Variants in SHTN1 observed in about 807,000 individuals in gnomAD.
SHTN1 encodes shootin-1.
In SHTN1, 42 loss-of-function variants were observed where a neutral mutation model predicts 83.1. The observed-to-expected ratio is 0.51, with a 90% CI of 0.39 to 0.65. SHTN1 has a LOEUF of 0.65. Ranked by LOEUF, SHTN1 falls within the 30% of genes least tolerant of loss-of-function variation. The probability of loss-of-function intolerance (pLI) is 0.00; values close to 1 mark genes in which losing one functional copy is unlikely to be tolerated. For synonymous variants in SHTN1, 224 were observed against 247.7 expected (o/e 0.90, Z 0.90); for missense variants, 622 against 737.8 (o/e 0.84, Z 1.82).
intron 1 of SHTN1, among the ~76,000 whole-genome samples, chr10:117,073,631 T>C (rs539725854): frequency 2.0e-5 from 3 of 152,340 alleles, no homozygotes; most frequent in African/African-American, 7.2e-5. Flanking sequence ...CATCAAAGTA[T>C]GGGTGATGCC....
rs1308578887 is a variant in SHTN1 at position 117,042,529 on chromosome 10, A to G, written c.-123+5916T>C. On this transcript the variant is annotated intron_variant, in intron 2 of 17. Transcript: ENST00000392901. ...AAAGATAAATACCTCCCTTTTTGTCATGAAAAGCATCCAATCTAGTGAAAA... is the reference window on the plus strand; with the variant it reads ...AAAGATAAATACCTCCCTTTTTGTCGTGAAAAGCATCCAATCTAGTGAAAA... 2.8e-4 allele frequency among the ~76,000 whole-genome samples: 43 copies of G among 152,200 alleles called. 2 individuals carry two copies. The highest frequency in any genetic ancestry group is 2.3e-3 in the Admixed American group (35 of 15,288).
At chr10:117,037,639 C>T (rs575541032) in intron 2 of SHTN1, among the ~76,000 whole-genome samples, 138 of 152,236 alleles carry the variant, frequency 9.1e-4, no homozygotes, top group Non-Finnish European at 1.6e-3. Flanking sequence ...ACTGACACTA[C>T]CCAGCTTTAA....
At chr10:116,914,935 A>G (rs1377705397) in intron 13 of SHTN1, among the ~76,000 whole-genome samples, 2 of 152,158 alleles carry the variant, frequency 1.3e-5, no homozygotes, top group Non-Finnish European at 2.9e-5. Flanking sequence ...TGCTGTTGTT[A>G]TTATGTGATT....
intron 16 of SHTN1, among the ~76,000 whole-genome samples, chr10:116,897,866 C>T (rs1166406232): frequency 6.6e-6 from 1 of 152,092 alleles, no homozygotes; most frequent in Non-Finnish European, 1.5e-5. Flanking sequence ...GGACAGGCAC[C>T]GGCTTAGAAA....
rs540582903 is a variant in SHTN1, at chr10:116,886,276, A to C, written c.*68T>G. 1 of 1,546,914 alleles carries C rather than the reference A, an allele frequency of 6.5e-7. No homozygotes were observed. Among genetic ancestry groups the C allele is most frequent in the Admixed American group, 2.0e-5 (1 of 50,768 alleles). On this transcript the variant is annotated 3_prime_UTR_variant, in exon 17 of 17. Coordinates refer to ENST00000355371, the MANE Select transcript of SHTN1 (RefSeq NM_001127211.3). The stretch of plus-strand genomic sequence containing the variant: ...AGCAGAATGTCTACAGCCCTTGCCA[A>C]TATAACAACACTAATCATGTGCTTA...
At chr10:117,108,417 T>G (rs944813556) in intron 1 of SHTN1, among the ~76,000 whole-genome samples, 1 of 151,910 alleles carries the variant, frequency 6.6e-6, no homozygotes, top group Non-Finnish European at 1.5e-5. Context: ...GGGACATGGA[T>G]GAAGCTGGAA....
At chr10:117,056,708 G>C (rs1459696960) in intron 1 of SHTN1, among the ~76,000 whole-genome samples, 2 of 152,170 alleles carry the variant, frequency 1.3e-5, no homozygotes, top group African/African-American at 4.8e-5. Flanking sequence ...CTACTCATGA[G>C]GCTGAGGCAG....
At chr10:117,093,696 G>A (rs539416430) in intron 1 of SHTN1, among the ~76,000 whole-genome samples, 91 of 152,204 alleles carry the variant, frequency 6.0e-4, no homozygotes, top group African/African-American at 2.2e-3. Context: ...AACAACTTAC[G>A]GAACAACTAG....
intron 1 of SHTN1, among the ~76,000 whole-genome samples, chr10:116,979,597 T>G (rs1243277706): frequency 6.6e-6 from 1 of 152,234 alleles, no homozygotes; most frequent in Non-Finnish European, 1.5e-5. Context: ...GCTCCTGCTT[T>G]TAACAGTAAG....
intron 3 of SHTN1, among the ~76,000 whole-genome samples, chr10:116,963,397 G>A (rs1381938652): frequency 1.3e-5 from 2 of 151,838 alleles, no homozygotes; most frequent in Non-Finnish European, 2.9e-5. Context: ...TAAACGTTTA[G>A]CTATTCATGT....
intron 1 of SHTN1, among the ~76,000 whole-genome samples, chr10:117,120,180 T>C (rs1853903058): frequency 1.3e-5 from 2 of 151,888 alleles, no homozygotes; most frequent in Admixed American, 1.3e-4. Context: ...GAAAAGAGTA[T>C]AATTAGATTA....
chr10:116,922,882 C>T (rs1181721920), intron 11 of SHTN1, among the ~76,000 whole-genome samples: 1 of 151,938 alleles, frequency 6.6e-6, no homozygotes, highest in African/African-American at 2.4e-5. Flanking sequence ...AGGAGAATCG[C>T]TTGAACCTGG....
intron 4 of SHTN1, among the ~76,000 whole-genome samples, chr10:116,957,170 G>A (rs1444567136): frequency 6.6e-6 from 1 of 151,490 alleles, no homozygotes. Context: ...TAATTTCATT[G>A]TAGCTATTCA....
chr10:116,960,280 A>C, intron 3 of SHTN1, 50 bp from the exon 4 acceptor site: 1 of 1,010,354 alleles, frequency 9.9e-7, no homozygotes, highest in South Asian at 1.3e-5. Flanking sequence ...TTAGTCAGCT[A>C]TTCCAGGAGC....
At chr10:117,023,043 T>C (rs78778967) in intron 2 of SHTN1, among the ~76,000 whole-genome samples, 2,339 of 152,334 alleles carry the variant, frequency 0.015, 18 homozygotes, top group Middle Eastern at 0.041. Context: ...CTGCTTAATT[T>C]GACTTAAGAA....
chr10:116,953,613 TTTGTG>T lies in SHTN1; in HGVS notation c.436+424_436+428del, dbSNP rs1314135445. On this transcript the variant is annotated intron_variant, in intron 5 of 16. Coordinates refer to ENST00000355371, the MANE Select transcript of SHTN1 (RefSeq NM_001127211.3). ...GATAGGGTAGGACCCAGGCATCAGTTTTGTGTTTTGTTTTTTTTTTTTTTTTTTTT... is the reference window on the plus strand; with the variant it reads ...GATAGGGTAGGACCCAGGCATCAGTTTTTTGTTTTTTTTTTTTTTTTTTTT... 7.7e-4 allele frequency among the ~76,000 whole-genome samples: 107 copies of T among 139,036 alleles called. 2 individuals carry two copies. In the South Asian group the frequency reaches 0.026, roughly 34 times the overall value. 91.2% of individuals were successfully genotyped at this position (139,036 alleles called of 152,430 possible).
chr10:117,126,117 G>C (rs1303278845), intron 1 of SHTN1, among the ~76,000 whole-genome samples: 1 of 152,172 alleles, frequency 6.6e-6, no homozygotes, highest in African/African-American at 2.4e-5. Flanking sequence ...CCTTTCAGGG[G>C]GCGCTGCCGC....
rs547009155 is a variant in SHTN1 at position 117,082,936 on chromosome 10, C to T, written c.-188-34426G>A. Among the ~76,000 whole-genome samples the T allele has an allele frequency of 1.0e-3, 152 of 151,074 alleles. 1 individual carries two copies. The highest frequency in any genetic ancestry group is 2.7e-3 in the African/African-American group (111 of 41,424). ...ATTTTGAGCCTATGTGTGCTCTGCA[C>T]GTGAGATGGGTTTCCTGAATACAGC... On this transcript the variant is annotated intron_variant, in intron 1 of 17. Coordinates refer to the SHTN1 transcript ENST00000392901.
intron 16 of SHTN1, among the ~76,000 whole-genome samples, chr10:116,887,467 G>C (rs1847202329): frequency 6.6e-6 from 1 of 152,110 alleles, no homozygotes; most frequent in African/African-American, 2.4e-5. Flanking sequence ...TTGTCCCTGA[G>C]AACTGGCTGT....
Sources: gnomAD v4.1 joint callset for allele counts (sites outside exome capture counted in the v4.1 genomes callset) on GRCh38, gnomAD v4.1.1 for gene constraint, MANE v1.5 for transcripts, NCBI Gene and HGNC (gene_info 2026-07-23, HGNC 2026-07-21) for gene names.